FLT1: variants seen among roughly 807,000 people sequenced by gnomAD.
FLT1 encodes the protein fms related receptor tyrosine kinase 1, also known as vascular endothelial growth factor receptor 1.
A neutral mutation model predicts 156.3 loss-of-function variants in FLT1; 49 were observed. The observed-to-expected ratio is 0.31, with a 90% confidence interval of 0.25 to 0.40. The LOEUF is 0.40. Among genes scored for constraint, FLT1 ranks in the 10% least tolerant of loss-of-function variants. FLT1 has a pLI of 1.00. For missense variants in FLT1, 1,322 were observed against 1,637.2 expected (o/e 0.81, Z 3.32); for synonymous variants, 594 against 583.8 (o/e 1.02, Z -0.25).
At chr13:28,323,651 C>CA (rs111841154) in intron 20 of FLT1, among the ~76,000 whole-genome samples, 100,055 of 125,286 alleles carry the variant, frequency 0.8, 40,268 homozygotes, top group Non-Finnish European at 0.88. Flanking sequence ...AACTCCATCT[C>CA]AAAAAAAAAA....
intron 20 of FLT1, 104 bp downstream of exon 20, chr13:28,327,358 T>G (rs1566287981): frequency 1.3e-6 from 1 of 760,926 alleles, no homozygotes; most frequent in African/African-American, 1.7e-5. Context: ...GTTTTAAGTT[T>G]AATCATTAAC....
chr13:28,388,993 C>T (rs1486270518), intron 13 of FLT1: 1 of 1,064,896 alleles, frequency 9.4e-7, no homozygotes, highest in Non-Finnish European at 1.1e-6. Flanking sequence ...GCATAATTAC[C>T]TGGATCGCAT....
intron 19 of FLT1, among the ~76,000 whole-genome samples, chr13:28,327,754 T>TAAAAAAAAAAAAAAAAAA: frequency 4.9e-5 from 1 of 20,398 alleles, no homozygotes; most frequent in Middle Eastern, 0.016. Context: ...ACAATTGAAA[T>TAAAAAAAAAAAAAAAAAA]ACAAAAAAAA....
intron 14 of FLT1, among the ~76,000 whole-genome samples, chr13:28,367,006 A>G (rs561674768): frequency 6.6e-6 from 1 of 152,240 alleles, no homozygotes; most frequent in Non-Finnish European, 1.5e-5. Flanking sequence ...GACCACATAA[A>G]TGAAGACAAT....
intron 11 of FLT1, among the ~76,000 whole-genome samples, chr13:28,397,391 G>A (rs975107764): frequency 1.3e-5 from 2 of 152,102 alleles, no homozygotes; most frequent in Non-Finnish European, 2.9e-5. Flanking sequence ...CCTATGAGGT[G>A]GTCAGTTCCA....
At chr13:28,336,801 G>A (rs1401318152) in intron 17 of FLT1, among the ~76,000 whole-genome samples, 1 of 144,612 alleles carries the variant, frequency 6.9e-6, no homozygotes, top group Non-Finnish European at 1.5e-5. Context: ...AGGCCGGAGT[G>A]CCGTGGCGTG....
Position 28,412,101 on chromosome 13 carries a change from GA to G in FLT1, c.1437-6208del, listed in dbSNP as rs144276616. ...AAATGTCTTTTAAAAAAATAGGAAGGAAAAAAAAGCCCATCTGGAACCCTGC... is the reference window on the plus strand; with the variant it reads ...AAATGTCTTTTAAAAAAATAGGAAGGAAAAAAAGCCCATCTGGAACCCTGC... On this transcript the variant is annotated intron_variant, in intron 10 of 29. Coordinates refer to ENST00000282397, the MANE Select transcript of FLT1 (RefSeq NM_002019.4). 4.7e-3 allele frequency among the ~76,000 whole-genome samples: 719 copies of G among 151,840 alleles called. 2 individuals carry two copies. The highest frequency in any genetic ancestry group is 0.02 in the Middle Eastern group (6 of 294).
intron 14 of FLT1, among the ~76,000 whole-genome samples, chr13:28,378,351 CTTAATCT>C (rs1211519288): frequency 6.6e-6 from 1 of 152,114 alleles, no homozygotes; most frequent in Admixed American, 6.5e-5. Context: ...CTGACCGAGA[CTTAATCT>C]TTAAGGGCTG....
chr13:28,387,719 C>T (rs1376800704), intron 13 of FLT1: 1 of 1,055,562 alleles, frequency 9.5e-7, no homozygotes, highest in African/African-American at 1.7e-5. Flanking sequence ...TTTTTCTCCC[C>T]CCTCCGTTAT....
rs1426917689 is a variant in FLT1 at position 28,405,856 on chromosome 13, A to G, written c.1475T>C (p.Leu492Pro). The change falls in exon 11 of 30, where the codon CTG becomes CCG. Residue 492 changes from leucine to proline, a missense_variant. Leu to Pro is a moderately conservative substitution (Grantham distance 98). Transcript: ENST00000282397. The stretch of plus-strand genomic sequence containing the variant: ...GTTTCCCATGTTGCTGTCAGCATCC[A>G]GGATAAAGGACTCTTCATTATTGGA... Reference protein sequence around the residue: ...FCSNNEESFILDADSNMGNRI... With the variant: ...FCSNNEESFIPDADSNMGNRI... 1.2e-6 allele frequency: 2 copies of G among 1,609,648 alleles called. No individual in the cohort carries two copies. The highest frequency in any genetic ancestry group is 1.7e-6 in the Non-Finnish European group (2 of 1,177,436).
chr13:28,446,665 G>A (rs1878635312), intron 3 of FLT1, among the ~76,000 whole-genome samples: 1 of 152,130 alleles, frequency 6.6e-6, no homozygotes, highest in African/African-American at 2.4e-5. Context: ...TCTACTAAGT[G>A]GGAAACATCT....
intron 13 of FLT1, chr13:28,387,174 G>C (rs2137453724): frequency 1.9e-6 from 2 of 1,035,424 alleles, no homozygotes; most frequent in South Asian, 9.2e-5. Context: ...AAAGGCTGCA[G>C]AACGTACATG....
intron 14 of FLT1, among the ~76,000 whole-genome samples, chr13:28,376,702 T>C (rs61763253): frequency 0.09 from 13,632 of 152,280 alleles, 658 homozygotes; most frequent in South Asian, 0.13. Flanking sequence ...CAGTAGCCCC[T>C]CTTGCAGCAC....
chr13:28,320,989 A>G (rs943788496), intron 23 of FLT1, among the ~76,000 whole-genome samples: 9 of 152,168 alleles, frequency 5.9e-5, no homozygotes, highest in African/African-American at 1.7e-4. Flanking sequence ...TAGGCATGGA[A>G]GGCCATGGGA....
intron 29 of FLT1, among the ~76,000 whole-genome samples, chr13:28,304,126 C>A (rs116827379): frequency 6.6e-6 from 1 of 152,138 alleles, no homozygotes; most frequent in Non-Finnish European, 1.5e-5. Flanking sequence ...TCTGGACTAA[C>A]GTGTCCATGT....
chr13:28,445,941 A>G (rs1281209930), intron 3 of FLT1, among the ~76,000 whole-genome samples: 3 of 152,230 alleles, frequency 2.0e-5, no homozygotes, highest in East Asian at 1.9e-4. Context: ...AGAAACATAT[A>G]AAAAGAATTA....
At chr13:28,443,649 A>G (rs1467081228) in intron 3 of FLT1, among the ~76,000 whole-genome samples, 2 of 152,214 alleles carry the variant, frequency 1.3e-5, no homozygotes, top group African/African-American at 4.8e-5. Flanking sequence ...TGAAGGGGAG[A>G]GGATAAAAAA....
chr13:28,308,523 GAGTTCCT>G (rs1870848174), intron 28 of FLT1: 1 of 385,578 alleles, frequency 2.6e-6, no homozygotes, highest in Non-Finnish European at 4.9e-6. Context: ...ACACAGCTGG[GAGTTCCT>G]CTGTTACTCT....
At chr13:28,380,160 A>G (rs1045952856) in intron 14 of FLT1, among the ~76,000 whole-genome samples, 3 of 152,238 alleles carry the variant, frequency 2.0e-5, no homozygotes, top group Admixed American at 6.5e-5. Context: ...AAGGCTGAGT[A>G]TATAACAAAC....
Sources: gnomAD v4.1 joint callset for allele counts (sites outside exome capture counted in the v4.1 genomes callset) on GRCh38, gnomAD v4.1.1 for gene constraint, MANE v1.5 for transcripts, NCBI Gene and HGNC (gene_info 2026-07-23, HGNC 2026-07-21) for gene names.